HTD2: variants seen among roughly 807,000 people sequenced by gnomAD.
The protein encoded by HTD2 is hydroxyacyl-thioester dehydratase type 2, mitochondrial.
Under a neutral mutation model 3.1 loss-of-function variants are expected in HTD2, and 1 was observed. The ratio of observed to expected loss-of-function variants is 0.32; its 90% CI spans 0.11 to 1.52. The LOEUF (loss-of-function observed/expected upper bound fraction) is 1.52, where lower values mean the gene tolerates loss of function less well. HTD2 is among the 40% of genes most tolerant of loss of function. HTD2 has a pLI of 0.39. For synonymous variants in HTD2, 50 were observed against 28.9 expected (o/e 1.73, Z -2.34); for missense variants, 150 against 79.6 (o/e 1.88, Z -3.36).
chr3:58,316,440 T>C (rs987329345), intron 2 of HTD2, 75 bp from the exon 3 acceptor site: 1 of 1,358,666 alleles, frequency 7.4e-7, no homozygotes. Flanking sequence ...TCAAAACTCA[T>C]TTGTTGTCAA....
In HTD2 at chr3:58,316,898, T is replaced by C; in HGVS notation, c.-253-17T>C. The C allele has an allele frequency of 1.9e-6, 3 of 1,603,672 alleles. No homozygotes were observed. The South Asian group carries it at 3.3e-5, about 18-fold the overall frequency. On this transcript the variant is annotated splice_polypyrimidine_tract_variant and intron_variant, in intron 3 of 4. Transcript: ENST00000461393. ...TCTGTCTATGACACACTATGTATTTTCTTGATCTTTCTGCAGTGGTCTTGT... is the reference window on the plus strand; with the variant it reads ...TCTGTCTATGACACACTATGTATTTCCTTGATCTTTCTGCAGTGGTCTTGT...
rs2097488848 is a variant in HTD2, at chr3:58,316,899, C to G, written c.-253-16C>G. The G allele has an allele frequency of 3.7e-6, 6 of 1,605,350 alleles. No homozygotes were observed. The East Asian group carries it at 1.3e-4, about 36-fold the overall frequency. Reference sequence around the variant, plus strand: ...CTGTCTATGACACACTATGTATTTTCTTGATCTTTCTGCAGTGGTCTTGTC... The same window carrying G: ...CTGTCTATGACACACTATGTATTTTGTTGATCTTTCTGCAGTGGTCTTGTC... On this transcript the variant is annotated splice_polypyrimidine_tract_variant and intron_variant, in intron 3 of 4. Transcript: ENST00000461393.
At chr3:58,310,869 G>A (rs940041824) in intron 2 of HTD2, among the ~76,000 whole-genome samples, 6 of 150,740 alleles carry the variant, frequency 4.0e-5, no homozygotes, top group Non-Finnish European at 5.9e-5. Flanking sequence ...GGCAGAGGTT[G>A]CAGTGAGCCG....
At chr3:58,316,723 A>G (rs1245794218) in intron 3 of HTD2, 132 bp downstream of exon 3, 8 of 913,002 alleles carry the variant, frequency 8.8e-6, no homozygotes, top group Admixed American at 6.3e-5. Flanking sequence ...TTAAACTGGG[A>G]TGAATATGAA....
Position 58,316,894 on chromosome 3 carries a change from A to G in HTD2, c.-253-21A>G, listed in dbSNP as rs78458217. On this transcript the variant is annotated intron_variant, in intron 3 of 4. Transcript: ENST00000461393. The stretch of plus-strand genomic sequence containing the variant: ...GTTCTCTGTCTATGACACACTATGT[A>G]TTTTCTTGATCTTTCTGCAGTGGTC... 5,063 of 1,598,156 alleles carry G rather than the reference A, an allele frequency of 3.2e-3. 155 individuals are homozygous for G. In the African/African-American group the frequency reaches 0.06, roughly 19 times the overall value.
At chr3:58,309,405 C>T (rs2097479603) in intron 1 of HTD2, among the ~76,000 whole-genome samples, 2 of 152,104 alleles carry the variant, frequency 1.3e-5, no homozygotes, top group South Asian at 2.1e-4. Context: ...TGAAGACAAG[C>T]TAAGGCATGT....
chr3:58,316,592 G>A lies in HTD2; in HGVS notation c.-254+1G>A. On this transcript the variant is annotated splice_donor_variant, in intron 3 of 4. Transcript: ENST00000461393. LOFTEE classifies it low-confidence loss of function (5UTR_SPLICE). ...CAGCCATCTTGAGAATATGTAGCAGGTATGACAGAGAGTGGGAAATTTCTA... is the reference window on the plus strand; with the variant it reads ...CAGCCATCTTGAGAATATGTAGCAGATATGACAGAGAGTGGGAAATTTCTA... The A allele has an allele frequency of 6.2e-7, 1 of 1,612,784 alleles. No individual in the cohort carries two copies. The highest frequency in any genetic ancestry group is 8.5e-7 in the Non-Finnish European group (1 of 1,178,860).
At position 58,319,991 on chromosome 3, in the gene HTD2, C is replaced by G. The variant is rs2097492820; in HGVS notation, c.*1871C>G. ...TTAGCAGTCAATCCATTTCTCTCCTCCAGTCTTTGGGAATCACCAGTCTAC... is the reference window on the plus strand; with the variant it reads ...TTAGCAGTCAATCCATTTCTCTCCTGCAGTCTTTGGGAATCACCAGTCTAC... On this transcript the variant is annotated 3_prime_UTR_variant, in exon 5 of 5. Transcript: ENST00000461393. 6.6e-6 allele frequency: 1 copy of G among 152,194 alleles called. No homozygotes were observed. Among genetic ancestry groups the G allele is most frequent in the Non-Finnish European group, 1.5e-5 (1 of 68,036 alleles). The allele number at this position is 152,194 out of a possible 1,614,324, so 9.4% of individuals were successfully genotyped here. A position where few individuals can be genotyped will look rare whatever the true frequency, so the allele number is the denominator to read the frequency against.
intron 2 of HTD2, among the ~76,000 whole-genome samples, chr3:58,313,760 G>A (rs1055906347): frequency 6.6e-6 from 1 of 152,218 alleles, no homozygotes; most frequent in African/African-American, 2.4e-5. Context: ...AAGAGCTCAA[G>A]GTTGCAATGA....
intron 2 of HTD2, among the ~76,000 whole-genome samples, chr3:58,312,418 C>T (rs2097483350): frequency 6.7e-6 from 1 of 150,300 alleles, no homozygotes; most frequent in African/African-American, 2.5e-5. Flanking sequence ...TGCCACCACG[C>T]CCAGCTAATT....
intron 1 of HTD2, among the ~76,000 whole-genome samples, chr3:58,307,063 C>T (rs936638764): frequency 3.3e-5 from 5 of 152,106 alleles, no homozygotes; most frequent in Admixed American, 1.3e-4. Context: ...AGATCTTTCC[C>T]AGCATGGGGA....
intron 1 of HTD2, chr3:58,310,165 C>A: frequency 1.6e-6 from 1 of 619,992 alleles, no homozygotes; most frequent in East Asian, 2.8e-5. Context: ...TCTGATTGTA[C>A]CACTGCACTT....
rs567660160 is a variant in HTD2 at position 58,310,248 on chromosome 3, A to T, written c.-415-259A>T. On this transcript the variant is annotated intron_variant, in intron 1 of 4. Transcript: ENST00000461393. ...AAAAACCCAAATAGGCCAAATTCTC[A>T]TCAAAACTCTGAAAAATAGCATGTG... The T allele has an allele frequency of 6.5e-6, 9 of 1,377,478 alleles. No individual in the cohort carries two copies. In the South Asian group the frequency reaches 9.7e-5, roughly 15 times the overall value. The allele number at this position is 1,377,478 out of a possible 1,614,324, so 85.3% of individuals were successfully genotyped here.
rs2097493048 is a variant in HTD2 at position 58,320,175 on chromosome 3, T to C, written c.*2055T>C. The C allele has an allele frequency of 6.6e-6, 1 of 152,166 alleles. No homozygotes were observed. Among genetic ancestry groups the C allele is most frequent in the Admixed American group, 6.6e-5 (1 of 15,262 alleles). 9.4% of individuals were successfully genotyped at this position (152,166 alleles called of 1,614,324 possible). On this transcript the variant is annotated 3_prime_UTR_variant, in exon 5 of 5. Transcript: ENST00000461393. ...ATTTTATTTTATGGCTGAATAATAT[T>C]CCATTGTATTTACCCATACATCAGT...
intron 2 of HTD2, among the ~76,000 whole-genome samples, chr3:58,314,745 C>T (rs964647794): frequency 7.6e-6 from 1 of 130,908 alleles, no homozygotes; most frequent in Non-Finnish European, 1.5e-5. Flanking sequence ...AGTGCAGTGG[C>T]ACAATCTTGG....
chr3:58,314,498 G>A (rs531323201), intron 2 of HTD2, among the ~76,000 whole-genome samples: 82 of 152,206 alleles, frequency 5.4e-4, no homozygotes, highest in African/African-American at 2.0e-3. Context: ...TTTAACATTA[G>A]CCATTAGGGA....
At position 58,317,622 on chromosome 3, in the gene HTD2, A is replaced by G. The variant is rs1471743264; in HGVS notation, c.9A>G (p.Pro3=). Residue 3 remains proline, a synonymous_variant, in exon 5 of 5, where the codon CCA becomes CCG. Coordinates refer to ENST00000461393, the MANE Select transcript of HTD2 (RefSeq NM_001348712.2). ...ATTTGAGGGTGCTGAAGATGTTCCC[A>G]CTAATTTCCAGCCATCACCTTTGGT... is the stretch of plus-strand genomic sequence containing the variant. MF[P]LISSHHLWWG... 1.3e-5 allele frequency: 10 copies of G among 752,132 alleles called. No homozygotes were observed. The highest frequency in any genetic ancestry group is 2.1e-5 in the Non-Finnish European group (9 of 427,134). The allele number at this position is 752,132 out of a possible 1,614,324, so 46.6% of individuals were successfully genotyped here.
chr3:58,312,034 A>ATT (rs1448128637), intron 2 of HTD2, among the ~76,000 whole-genome samples: 2 of 151,722 alleles, frequency 1.3e-5, no homozygotes, highest in Non-Finnish European at 2.9e-5. Flanking sequence ...CACCACGCCA[A>ATT]TTTTTTTACT....
rs926224923 is a variant in HTD2 at position 58,317,753 on chromosome 3, C to G, written c.140C>G (p.Ala47Gly). 1.6e-5 allele frequency: 11 copies of G among 703,176 alleles called. No homozygotes were observed. Among genetic ancestry groups the G allele is most frequent in the Non-Finnish European group, 2.9e-5 (11 of 385,006 alleles). 43.6% of individuals were successfully genotyped at this position (703,176 alleles called of 1,614,324 possible). Residue 47 changes from alanine (A) to glycine (G), a missense_variant, in exon 5 of 5, where the codon GCC becomes GGC. Physicochemically the swap from Ala to Gly is moderately conservative, Grantham distance 60. Coordinates refer to ENST00000461393, the MANE Select transcript of HTD2 (RefSeq NM_001348712.2). Reference protein sequence around the residue: ...KVGDRAELRRAFTQTDVATFS... With the variant: ...KVGDRAELRRGFTQTDVATFS... ...GGAGACCGCGCTGAACTTAGGAGGG[C>G]CTTCACACAGACTGATGTGGCTACC...
Sources: gnomAD v4.1 joint callset for allele counts (sites outside exome capture counted in the v4.1 genomes callset) on GRCh38, gnomAD v4.1.1 for gene constraint, MANE v1.5 for transcripts, NCBI Gene and HGNC (gene_info 2026-07-23, HGNC 2026-07-21) for gene names.